Variants in UBE2L3 observed in about 807,000 individuals in gnomAD.
UBE2L3 encodes ubiquitin conjugating enzyme E2 L3, also known as ubiquitin-conjugating enzyme E2 L3.
In UBE2L3, 1 loss-of-function variant was observed where a neutral mutation model predicts 17.8. The ratio of observed to expected loss-of-function variants is 0.06; its 90% CI spans 0.02 to 0.27. The LOEUF (loss-of-function observed/expected upper bound fraction) is 0.27, where lower values mean the gene tolerates loss of function less well. UBE2L3 is among the 10% of genes least tolerant of loss of function. The pLI is 1.00. For missense variants in UBE2L3, 40 were observed against 192.6 expected (o/e 0.21, Z 4.69); for synonymous variants, 44 against 68.5 (o/e 0.64, Z 1.76).
intron 3 of UBE2L3, among the ~76,000 whole-genome samples, chr22:21,619,841 G>A (rs1205759263): frequency 6.6e-6 from 1 of 152,178 alleles, no homozygotes; most frequent in Non-Finnish European, 1.5e-5. Context: ...CTAGGCATGG[G>A]CCACCATGCC....
At chr22:21,556,930 T>G (rs1250222424) in intron 1 of UBE2L3, among the ~76,000 whole-genome samples, 1 of 152,252 alleles carries the variant, frequency 6.6e-6, no homozygotes. Context: ...GGCAGGTGCC[T>G]GTAATCCCAG....
intron 2 of UBE2L3, among the ~76,000 whole-genome samples, chr22:21,598,941 A>C (rs1404924324): frequency 6.6e-6 from 1 of 151,782 alleles, no homozygotes; most frequent in Non-Finnish European, 1.5e-5. Context: ...CCTGGGTTCA[A>C]GCAATCTTTT....
At chr22:21,596,027 C>T (rs1016982127) in intron 2 of UBE2L3, among the ~76,000 whole-genome samples, 5 of 150,588 alleles carry the variant, frequency 3.3e-5, no homozygotes, top group East Asian at 2.0e-4. Context: ...CACCACACCC[C>T]GCTAATTTTT....
intron 3 of UBE2L3, among the ~76,000 whole-genome samples, chr22:21,615,850 T>G (rs1568988889): frequency 6.6e-6 from 1 of 152,244 alleles, no homozygotes. Context: ...AGCTCTCAAC[T>G]GAAGCAAGTG....
At chr22:21,566,029 G>C (rs1261386235), upstream of UBE2L3, among the ~76,000 whole-genome samples, 5 of 148,306 alleles carry the variant, frequency 3.4e-5, no homozygotes, top group African/African-American at 1.0e-4. Flanking sequence ...CTGGAGTGCA[G>C]TGGCGCGGAC....
At chr22:21,612,677 G>A (rs1426583004) in intron 3 of UBE2L3, among the ~76,000 whole-genome samples, 5 of 64,982 alleles carry the variant, frequency 7.7e-5, no homozygotes, top group East Asian at 8.8e-4. Context: ...TTTTTGAGAC[G>A]GAGTCACCCA....
At chr22:21,591,994 A>AT (rs1372770150) in intron 1 of UBE2L3, among the ~76,000 whole-genome samples, 1 of 152,084 alleles carries the variant, frequency 6.6e-6, no homozygotes, top group Non-Finnish European at 1.5e-5. Context: ...ATTCACTGAG[A>AT]TGTTGGAGGC....
upstream of UBE2L3, among the ~76,000 whole-genome samples, chr22:21,566,349 T>C (rs565318396): frequency 6.6e-6 from 1 of 151,848 alleles, no homozygotes; most frequent in South Asian, 2.1e-4. Context: ...TTTGGGAGGT[T>C]GCGGCGGGAG....
intron 2 of UBE2L3, among the ~76,000 whole-genome samples, chr22:21,600,834 T>G (rs996884294): frequency 6.6e-6 from 1 of 152,172 alleles, no homozygotes; most frequent in Non-Finnish European, 1.5e-5. Flanking sequence ...GATTTTTTGA[T>G]TCAAATAACC....
chr22:21,596,033 T>G (rs914793408), intron 2 of UBE2L3, among the ~76,000 whole-genome samples: 44 of 151,922 alleles, frequency 2.9e-4, no homozygotes, highest in Non-Finnish European at 6.0e-4. Context: ...ACCCCGCTAA[T>G]TTTTGTATTT....
chr22:21,561,304 G>C (rs985010272), intron 1 of UBE2L3, among the ~76,000 whole-genome samples: 2 of 152,300 alleles, frequency 1.3e-5, no homozygotes, highest in Admixed American at 1.3e-4. Flanking sequence ...GGCTAGGTGT[G>C]GTGGCTAACA....
At chr22:21,593,704 G>T (rs1423365727) in intron 2 of UBE2L3, among the ~76,000 whole-genome samples, 1 of 152,038 alleles carries the variant, frequency 6.6e-6, no homozygotes, top group Non-Finnish European at 1.5e-5. Flanking sequence ...GTCACACCCA[G>T]CCCACAGGCT....
chr22:21,588,325 T>C (rs1436746063), intron 1 of UBE2L3, among the ~76,000 whole-genome samples: 1 of 152,178 alleles, frequency 6.6e-6, no homozygotes, highest in African/African-American at 2.4e-5. Context: ...TTCTTCACTG[T>C]CAGGACCATT....
Position 21,621,568 on chromosome 22 carries a change from C to A in UBE2L3, c.364C>A (p.Arg122=). Residue 122 remains arginine, a synonymous_variant, in exon 4 of 4, where the codon CGG becomes AGG. Transcript: ENST00000342192. ...VNDPQPEHPL[R]ADLAEEYSKD... ...TGACCCCCAGCCTGAGCACCCGCTT[C>A]GGGCTGACCTAGCTGAAGAATACTC... 6.2e-7 allele frequency: 1 copy of A among 1,611,838 alleles called. No homozygotes were observed. Among genetic ancestry groups the A allele is most frequent in the Non-Finnish European group, 8.5e-7 (1 of 1,179,838 alleles).
Position 21,597,774 on chromosome 22 carries a change from G to GTTTTTTTTTTTTT in UBE2L3, c.123+4818_123+4819insTTTTTTTTTTTTT, listed in dbSNP as rs1568981113. Among the ~76,000 whole-genome samples the GTTTTTTTTTTTTT allele has an allele frequency of 4.1e-5, 3 of 73,536 alleles. No individual in the cohort carries two copies. In the East Asian group the frequency reaches 2.0e-3, roughly 49 times the overall value. 48.2% of individuals were successfully genotyped at this position (73,536 alleles called of 152,430 possible). On this transcript the variant is annotated intron_variant, in intron 2 of 3. Transcript: ENST00000342192. ...TGGATCTTTGATCCATTTATATGTAGATTTTTTTTTTTTTTTTTTTTTTTT... is the reference window on the plus strand; with the variant it reads ...TGGATCTTTGATCCATTTATATGTAGTTTTTTTTTTTTTATTTTTTTTTTTTTTTTTTTTTTTT...
At chr22:21,571,374 T>C (rs1926953299) in intron 1 of UBE2L3, among the ~76,000 whole-genome samples, 1 of 152,180 alleles carries the variant, frequency 6.6e-6, no homozygotes, top group South Asian at 2.1e-4. Context: ...ATCTGTGGAT[T>C]TAGAGGGGTG....
In UBE2L3 at chr22:21,621,998, G is replaced by GA. The variant is rs932691242; in HGVS notation, c.*337dup. 1.0e-3 allele frequency: 217 copies of GA among 210,518 alleles called. No individual in the cohort carries two copies. Among genetic ancestry groups the GA allele is most frequent in the African/African-American group, 4.2e-3 (178 of 42,224 alleles). The allele number at this position is 210,518 out of a possible 1,614,324, so 13.0% of individuals were successfully genotyped here. A position where few individuals can be genotyped will look rare whatever the true frequency, so the allele number is the denominator to read the frequency against. On this transcript the variant is annotated 3_prime_UTR_variant, in exon 4 of 4. Coordinates refer to ENST00000342192, the MANE Select transcript of UBE2L3 (RefSeq NM_003347.4). Reference sequence around the variant, plus strand: ...TTAACCCATAAGGTTTAAAAAAAAGGAAAAAAAACGGTTGTGGTTCCCTTT... The same window carrying GA: ...TTAACCCATAAGGTTTAAAAAAAAGGAAAAAAAAACGGTTGTGGTTCCCTTT...
chr22:21,560,002 C>T (rs2148391189), intron 1 of UBE2L3, among the ~76,000 whole-genome samples: 1 of 152,412 alleles, frequency 6.6e-6, no homozygotes, highest in East Asian at 1.9e-4. Context: ...GAGCTTCTAG[C>T]TCTCTGGCTG....
At chr22:21,597,507 G>A (rs1356392679) in intron 2 of UBE2L3, among the ~76,000 whole-genome samples, 3 of 151,970 alleles carry the variant, frequency 2.0e-5, no homozygotes, top group African/African-American at 7.2e-5. Flanking sequence ...GTGTTGCCCA[G>A]GCTAGTCTTG....
Sources: gnomAD v4.1 joint callset for allele counts (sites outside exome capture counted in the v4.1 genomes callset) on GRCh38, gnomAD v4.1.1 for gene constraint, MANE v1.5 for transcripts, NCBI Gene and HGNC (gene_info 2026-07-23, HGNC 2026-07-21) for gene names.